DENND2A: variants seen among roughly 807,000 people sequenced by gnomAD.
DENND2A encodes DENN domain containing 2A, also known as DENN domain-containing protein 2A.
Under a neutral mutation model 105.3 loss-of-function variants are expected in DENND2A, and 53 were observed. The ratio of observed to expected loss-of-function variants is 0.50; its 90% CI spans 0.40 to 0.63. DENND2A has a LOEUF of 0.63. Ranked by LOEUF, DENND2A falls within the 30% of genes least tolerant of loss-of-function variation. DENND2A has a pLI of 0.00. For missense variants in DENND2A, 1,138 were observed against 1,279.6 expected, an observed-to-expected ratio of 0.89 and a Z score of 1.69; for synonymous variants, 522 against 508.4, an observed-to-expected ratio of 1.03 and a Z score of -0.36.
chr7:140,610,370 G>A (rs1440860826), intron 1 of DENND2A, among the ~76,000 whole-genome samples: 1 of 151,362 alleles, frequency 6.6e-6, no homozygotes, highest in Non-Finnish European at 1.5e-5. Flanking sequence ...TACTCTCTTG[G>A]CCAGCTGATG....
chr7:140,587,863 C>T (rs772221091), intron 3 of DENND2A, 83 bp from the exon 4 acceptor site: 194 of 1,314,364 alleles, frequency 1.5e-4, no homozygotes, highest in African/African-American at 4.7e-4. Context: ...TATATCCCCT[C>T]GGCCAAATTT....
At chr7:140,545,056 CG>C (rs1452997284) in intron 13 of DENND2A, among the ~76,000 whole-genome samples, 1 of 152,108 alleles carries the variant, frequency 6.6e-6, no homozygotes, top group African/African-American at 2.4e-5. Flanking sequence ...CAATGGTTTC[CG>C]GCCCCACATG....
rs1393542887 is a variant in DENND2A, at chr7:140,567,296, AAGAGAGAAAGAGAGAGAGAG to A, written c.1592-43_1592-24del. On this transcript the variant is annotated intron_variant, in intron 8 of 19. Transcript: ENST00000496613. ...GAGCTGGGTGAGGGAGGGAGAGAGAAAGAGAGAAAGAGAGAGAGAGAGAGAGAGAGAGAGAGAGAGAGAGA... is the reference window on the plus strand; with the variant it reads ...GAGCTGGGTGAGGGAGGGAGAGAGAAAGAGAGAGAGAGAGAGAGAGAGAGA... The A allele has an allele frequency of 3.1e-4, 256 of 831,344 alleles. 3 individuals are homozygous for A. Among genetic ancestry groups the A allele is most frequent in the Middle Eastern group, 1.2e-3 (3 of 2,488 alleles). The allele number at this position is 831,344 out of a possible 1,614,324, so 51.5% of individuals were successfully genotyped here.
Position 140,554,605 on chromosome 7 carries a change from C to T in DENND2A, c.2037+1031G>A, listed in dbSNP as rs182531328. On this transcript the variant is annotated intron_variant, in intron 12 of 19. Transcript: ENST00000496613. ...GAGCCGAGATCGCACCACTACACTCCGGCCTGGGTGATAGAGTGAGACTCT... is the reference window on the plus strand; with the variant it reads ...GAGCCGAGATCGCACCACTACACTCTGGCCTGGGTGATAGAGTGAGACTCT... 1.8e-3 allele frequency among the ~76,000 whole-genome samples: 278 copies of T among 152,176 alleles called. 1 individual carries two copies. Among genetic ancestry groups the T allele is most frequent in the Admixed American group, 2.9e-3 (44 of 15,290 alleles).
intron 1 of DENND2A, among the ~76,000 whole-genome samples, chr7:140,638,164 C>T (rs1801024558): frequency 6.6e-6 from 1 of 151,956 alleles, no homozygotes; most frequent in Admixed American, 6.6e-5. Flanking sequence ...AAATTTTGTT[C>T]TGAGAATTAA....
intron 6 of DENND2A, among the ~76,000 whole-genome samples, chr7:140,571,416 C>T (rs963030321): frequency 5.9e-5 from 9 of 152,330 alleles, no homozygotes; most frequent in African/African-American, 1.7e-4. Context: ...CCCACCTCAG[C>T]CTCCCAAAGT....
intron 1 of DENND2A, among the ~76,000 whole-genome samples, chr7:140,633,263 C>T (rs1800799371): frequency 6.6e-6 from 1 of 151,860 alleles, no homozygotes; most frequent in South Asian, 2.1e-4. Context: ...CTCCTGACCT[C>T]GTGATCCACC....
chr7:140,600,344 G>A (rs1799438492), intron 3 of DENND2A, among the ~76,000 whole-genome samples: 1 of 152,042 alleles, frequency 6.6e-6, no homozygotes, highest in Non-Finnish European at 1.5e-5. Context: ...GGGACTGGAT[G>A]AGATCATTTA....
chr7:140,551,484 C>T (rs1465671518), intron 12 of DENND2A, among the ~76,000 whole-genome samples: 2 of 152,002 alleles, frequency 1.3e-5, no homozygotes, highest in Non-Finnish European at 2.9e-5. Flanking sequence ...ACATGTGGGC[C>T]ATCTCACTGT....
At chr7:140,545,022 C>T (rs1000417284) in intron 13 of DENND2A, 20 of 311,710 alleles carry the variant, frequency 6.4e-5, no homozygotes, top group Middle Eastern at 1.6e-3. Flanking sequence ...TGTGGACGAA[C>T]GGGATGACAG....
intron 3 of DENND2A, among the ~76,000 whole-genome samples, chr7:140,597,791 G>A (rs140497273): frequency 8.9e-4 from 136 of 152,340 alleles, no homozygotes; most frequent in Middle Eastern, 6.8e-3. Context: ...CAGAAGGGGC[G>A]TGGAAGGGCT....
intron 14 of DENND2A, among the ~76,000 whole-genome samples, chr7:140,539,063 A>G (rs1213916126): frequency 6.6e-6 from 1 of 152,164 alleles, no homozygotes; most frequent in African/African-American, 2.4e-5. Context: ...GCCTCAAGCA[A>G]TCCACCGGCC....
chr7:140,601,480 A>G lies in DENND2A; in HGVS notation c.918T>C (p.Pro306=), dbSNP rs1799484184. 6 of 1,613,458 alleles carry G rather than the reference A, an allele frequency of 3.7e-6. No homozygotes were observed. In the East Asian group the frequency reaches 1.3e-4, roughly 36 times the overall value. The change falls in exon 3 of 20, where the codon CCT becomes CCC. Residue 306 remains proline, a synonymous_variant. Transcript: ENST00000496613. ...LPPLPSLPPP[P]LPSSPPPSSV... ...AGGAAGGTGGGGGAGAGGAGGGCAGAGGCGGGGGAGGTAGAGAGGGCAGAG... is the reference window on the plus strand; with the variant it reads ...AGGAAGGTGGGGGAGAGGAGGGCAGGGGCGGGGGAGGTAGAGAGGGCAGAG...
chr7:140,639,447 C>T (rs528781040), intron 1 of DENND2A, among the ~76,000 whole-genome samples: 1 of 151,012 alleles, frequency 6.6e-6, no homozygotes, highest in East Asian at 1.9e-4. Context: ...CTGACACACA[C>T]ACACACACAC....
chr7:140,580,054 G>A (rs2130629547), intron 5 of DENND2A, among the ~76,000 whole-genome samples: 1 of 152,224 alleles, frequency 6.6e-6, no homozygotes, highest in Non-Finnish European at 1.5e-5. Flanking sequence ...GTTGCAGTGA[G>A]CTGAGATCAT....
At chr7:140,548,813 A>G (rs1379364580) in intron 12 of DENND2A, among the ~76,000 whole-genome samples, 1 of 150,458 alleles carries the variant, frequency 6.6e-6, no homozygotes, top group African/African-American at 2.4e-5. Context: ...GGGTTTCTCC[A>G]TGTTGGTTAG....
rs1799554049 is a variant in DENND2A at position 140,602,535 on chromosome 7, C to A, written c.-138G>T. The A allele has an allele frequency of 2.4e-6, 2 of 830,632 alleles. No homozygotes were observed. The highest frequency in any genetic ancestry group is 3.1e-5 in the South Asian group (1 of 32,358). 51.5% of individuals were successfully genotyped at this position (830,632 alleles called of 1,614,324 possible). ...TCTTTCTCAGTCCTTGGACCTTCCA[C>A]CTTGACCCTGCACAAGAAAGACAAA... On this transcript the variant is annotated 5_prime_UTR_variant, in exon 3 of 20. Transcript: ENST00000496613.
Position 140,587,564 on chromosome 7 carries a change from G to T in DENND2A, c.1123+89C>A, listed in dbSNP as rs903882735. On this transcript the variant is annotated intron_variant, in intron 4 of 19. Transcript: ENST00000496613. ...AGTGTGTGTGTGTGTACATGTGTGT[G>T]CACGTGTGTTTCCAGCAGCCAGCCC... 1.0e-5 allele frequency: 16 copies of T among 1,537,728 alleles called. No homozygotes were observed. The African/African-American group carries it at 2.0e-4, about 20-fold the overall frequency.
At chr7:140,588,241 A>G (rs1254674344) in intron 3 of DENND2A, among the ~76,000 whole-genome samples, 1 of 152,198 alleles carries the variant, frequency 6.6e-6, no homozygotes, top group Non-Finnish European at 1.5e-5. Context: ...GTGAAAATCC[A>G]TGAATAAGAG....
Sources: allele counts gnomAD v4.1 joint callset (sites outside exome capture counted in the v4.1 genomes callset), GRCh38; gene constraint gnomAD v4.1.1; transcripts MANE v1.5; gene names NCBI Gene and HGNC (gene_info 2026-07-23, HGNC 2026-07-21).